Variants in MBNL2 observed in about 807,000 individuals in gnomAD.
The protein encoded by MBNL2 is muscleblind-like protein 2.
In MBNL2, 17 loss-of-function variants were observed where a neutral mutation model predicts 41.9. The ratio of observed to expected loss-of-function variants is 0.41; its 90% CI spans 0.28 to 0.61. The LOEUF is 0.61. Among genes scored for constraint, MBNL2 ranks in the 20% least tolerant of loss-of-function variants. The probability of loss-of-function intolerance (pLI) is 0.35; values close to 1 mark genes in which losing one functional copy is unlikely to be tolerated. For synonymous variants in MBNL2, 195 were observed against 182.9 expected, an observed-to-expected ratio of 1.07 and a Z score of -0.53; for missense variants, 336 against 505.6, an observed-to-expected ratio of 0.66 and a Z score of 3.22.
At chr13:97,262,753 C>T (rs1374593874) in intron 1 of MBNL2, among the ~76,000 whole-genome samples, 1 of 151,904 alleles carries the variant, frequency 6.6e-6, no homozygotes, top group Non-Finnish European at 1.5e-5. Context: ...TTGAAGTCCT[C>T]CCTCGCTTTT....
At chr13:97,253,064 A>T (rs1055918321) in intron 1 of MBNL2, among the ~76,000 whole-genome samples, 7 of 152,228 alleles carry the variant, frequency 4.6e-5, no homozygotes, top group Non-Finnish European at 1.0e-4. Context: ...TCATCTTGCT[A>T]ACTGAAATCT....
At chr13:97,304,811 A>T (rs1337818164) in intron 2 of MBNL2, among the ~76,000 whole-genome samples, 5 of 152,262 alleles carry the variant, frequency 3.3e-5, no homozygotes, top group Admixed American at 1.3e-4. Flanking sequence ...ACATAAACAA[A>T]ATGCATTATT....
intron 1 of MBNL2, among the ~76,000 whole-genome samples, chr13:97,242,789 T>G (rs1444826756): frequency 1.3e-5 from 2 of 151,964 alleles, no homozygotes; most frequent in East Asian, 3.9e-4. Flanking sequence ...TCCCCCCTCC[T>G]GTACGTTGCT....
intron 2 of MBNL2, among the ~76,000 whole-genome samples, chr13:97,314,074 A>C (rs1238315695): frequency 6.6e-6 from 1 of 152,156 alleles, no homozygotes; most frequent in Non-Finnish European, 1.5e-5. Context: ...TATGATGACC[A>C]GTAAGGGTCA....
intron 3 of MBNL2, among the ~76,000 whole-genome samples, chr13:97,340,293 C>T (rs1270252751): frequency 1.3e-5 from 2 of 152,198 alleles, no homozygotes; most frequent in Non-Finnish European, 2.9e-5. Flanking sequence ...TATCCAACTG[C>T]GTCTGTCTTC....
At chr13:97,218,103 GGT>G (rs1271388485), upstream of MBNL2, among the ~76,000 whole-genome samples, 1 of 152,102 alleles carries the variant, frequency 6.6e-6, no homozygotes, top group Admixed American at 6.5e-5. Context: ...AGTCATCTCT[GGT>G]ACATTTAGGT....
intron 8 of MBNL2, among the ~76,000 whole-genome samples, chr13:97,377,407 G>A (rs575946219): frequency 2.0e-5 from 3 of 152,188 alleles, no homozygotes; most frequent in South Asian, 2.1e-4. Context: ...CCATCAAGCC[G>A]CAATTCAGCT....
rs57849294 is a variant in MBNL2 at position 97,268,073 on chromosome 13, TTTCCTTCCTTCC to T, written c.-604-7540_-604-7529del. Among the ~76,000 whole-genome samples, 66 of 147,946 alleles carry T rather than the reference TTTCCTTCCTTCC, an allele frequency of 4.5e-4. 1 individual carries two copies. In the South Asian group the frequency reaches 8.0e-3, roughly 18 times the overall value. ...CCTAAGAGTGTGCTTTTCTTTTTTC[TTTCCTTCCTTCC>T]TTCCTTCCTTCCTTCCTTTCTTTCT... On this transcript the variant is annotated intron_variant, in intron 1 of 8. Transcript: ENST00000679496. This position sits in a 1 kb window ranked among gnomAD's most constrained non-coding sequence, Gnocchi z 4.6.
chr13:97,277,518 T>C (rs2052412931), intron 2 of MBNL2, among the ~76,000 whole-genome samples: 1 of 152,194 alleles, frequency 6.6e-6, no homozygotes, highest in South Asian at 2.1e-4. Flanking sequence ...GAGTTGTCCT[T>C]TGGGATAATT....
At chr13:97,330,411 G>A (rs2060334040) in intron 2 of MBNL2, among the ~76,000 whole-genome samples, 2 of 152,132 alleles carry the variant, frequency 1.3e-5, no homozygotes, top group Admixed American at 6.5e-5. Context: ...AGCTGCACCA[G>A]TCCCTGCCAC....
the MBNL2 span, among the ~76,000 whole-genome samples, chr13:97,157,907 CAT>C: frequency 6.6e-6 from 1 of 151,378 alleles, no homozygotes; most frequent in African/African-American, 2.4e-5. Context: ...ATGCTGGCCT[CAT>C]AAAATGAGTT....
chr13:97,371,360 G>A (rs1199495940), intron 8 of MBNL2, among the ~76,000 whole-genome samples: 2 of 152,066 alleles, frequency 1.3e-5, no homozygotes, highest in Non-Finnish European at 2.9e-5. Context: ...CCTGTCCTCT[G>A]AATTCTACAA....
the MBNL2 span, among the ~76,000 whole-genome samples, chr13:97,148,555 C>A: frequency 1.3e-5 from 2 of 152,080 alleles, no homozygotes; most frequent in South Asian, 4.2e-4. Context: ...TATTCATGAG[C>A]AGGGGCAGAG....
At chr13:97,297,266 A>G (rs1301711477) in intron 2 of MBNL2, among the ~76,000 whole-genome samples, 1 of 152,144 alleles carries the variant, frequency 6.6e-6, no homozygotes, top group Non-Finnish European at 1.5e-5. Flanking sequence ...AGCAGTGAAG[A>G]CAACACTACT....
At chr13:97,154,489 A>G in the MBNL2 span, among the ~76,000 whole-genome samples, 1 of 151,814 alleles carries the variant, frequency 6.6e-6, no homozygotes, top group Admixed American at 6.6e-5. Flanking sequence ...TAATTTTTGC[A>G]TTTTTAGTAG....
chr13:97,235,791 G>A (rs1319940004), intron 1 of MBNL2, among the ~76,000 whole-genome samples: 3 of 152,094 alleles, frequency 2.0e-5, no homozygotes, highest in African/African-American at 7.2e-5. Context: ...CGGCCTGGGA[G>A]TGAGGTTCCC....
chr13:97,162,470 C>G, the MBNL2 span, among the ~76,000 whole-genome samples: 1 of 152,142 alleles, frequency 6.6e-6, no homozygotes, highest in Non-Finnish European at 1.5e-5. Context: ...GTGTATTTTT[C>G]TATTTCACAC....
At chr13:97,337,476 G>A (rs1384054791) in intron 3 of MBNL2, among the ~76,000 whole-genome samples, 1 of 152,044 alleles carries the variant, frequency 6.6e-6, no homozygotes, top group Non-Finnish European at 1.5e-5. Context: ...CATATGTTGA[G>A]GTTCCAAGAG....
chr13:97,162,154 T>C, the MBNL2 span, among the ~76,000 whole-genome samples: 3 of 152,084 alleles, frequency 2.0e-5, no homozygotes, highest in Admixed American at 6.6e-5. Flanking sequence ...TCACTCACTC[T>C]CACGAGAATA....
Sources: gnomAD v4.1 joint callset for allele counts (sites outside exome capture counted in the v4.1 genomes callset) on GRCh38, gnomAD v4.1.1 for gene constraint, Gnocchi (gnomAD v3.1) non-coding constraint, MANE v1.5 for transcripts, NCBI Gene and HGNC (gene_info 2026-07-23, HGNC 2026-07-21) for gene names.